Variants in ZBTB49 observed in about 807,000 individuals in gnomAD.
The protein encoded by ZBTB49 is zinc finger and BTB domain containing 49.
ZBTB49 carries 43 observed loss-of-function variants against 57.5 expected under a neutral mutation model. That is an observed-to-expected ratio of 0.75 (90% CI 0.59 to 0.97). ZBTB49 has a LOEUF of 0.97. Ranked by LOEUF, ZBTB49 falls within the 50% of genes least tolerant of loss-of-function variation. ZBTB49 has a pLI of 0.00. For missense variants in ZBTB49, 938 were observed against 947.7 expected, an observed-to-expected ratio of 0.99 and a Z score of 0.13; for synonymous variants, 369 against 362.1, an observed-to-expected ratio of 1.02 and a Z score of -0.22.
intron 1 of ZBTB49, among the ~76,000 whole-genome samples, chr4:4,297,064 TTTTA>T (rs766565096): frequency 1.3e-5 from 2 of 152,114 alleles, no homozygotes; most frequent in African/African-American, 2.4e-5. Context: ...CCTTCTTTTA[TTTTA>T]TTTATTTATT....
chr4:4,303,952 G>T (rs73076250), intron 3 of ZBTB49, among the ~76,000 whole-genome samples: 1 of 151,972 alleles, frequency 6.6e-6, no homozygotes, highest in Non-Finnish European at 1.5e-5. Flanking sequence ...CTGCTTTTAC[G>T]GTGTTTGTGT....
intron 1 of ZBTB49, among the ~76,000 whole-genome samples, chr4:4,296,705 G>T (rs899130972): frequency 3.3e-5 from 5 of 152,224 alleles, no homozygotes; most frequent in Non-Finnish European, 7.3e-5. Context: ...AGTGGGGCAT[G>T]TAGATAGCTA....
chr4:4,306,312 G>C (rs372334615), intron 4 of ZBTB49, 128 bp downstream of exon 4: 25 of 759,272 alleles, frequency 3.3e-5, no homozygotes, highest in East Asian at 1.8e-4. Flanking sequence ...AAAGACTTCA[G>C]AATAAATTAG....
chr4:4,308,109 G>T (rs765580204), intron 4 of ZBTB49, among the ~76,000 whole-genome samples: 1 of 152,070 alleles, frequency 6.6e-6, no homozygotes, highest in Non-Finnish European at 1.5e-5. Flanking sequence ...ATGGAGCATC[G>T]CTCTGTCGCC....
rs776978975 is a variant in ZBTB49 at position 4,321,087 on chromosome 4, A to G, written c.2069A>G (p.Tyr690Cys). The G allele has an allele frequency of 2.4e-5, 39 of 1,614,028 alleles. No individual in the cohort carries two copies. The Admixed American group carries it at 2.5e-4, about 10-fold the overall frequency. ...ATGCAGCAGACACAGCCTCAGGCCT[A>G]TGCTTACTCGGATGTGGACACCCCA... ...PQMQQTQPQA[Y>C]AYSDVDTPAG... The change falls in exon 8 of 8, where the codon TAT becomes TGT. Residue 690 changes from tyrosine to cysteine, a missense_variant. This residue lies in a region of ZBTB49 where 835 missense variants were observed against 819.1 expected (regional missense o/e 1.02). Coordinates refer to ENST00000337872, the MANE Select transcript of ZBTB49 (RefSeq NM_145291.4).
At chr4:4,291,231 A>C (rs1719892415) in intron 1 of ZBTB49, among the ~76,000 whole-genome samples, 1 of 152,234 alleles carries the variant, frequency 6.6e-6, no homozygotes, top group Non-Finnish European at 1.5e-5. Context: ...GGAGGTTAGA[A>C]GTCCAAGATC....
At chr4:4,316,467 G>A (rs1399376643) in intron 7 of ZBTB49, among the ~76,000 whole-genome samples, 1 of 152,188 alleles carries the variant, frequency 6.6e-6, no homozygotes, top group Non-Finnish European at 1.5e-5. Context: ...CTCCGATGAG[G>A]ACACGGAGGC....
chr4:4,311,408 C>G (rs951609145), intron 4 of ZBTB49, among the ~76,000 whole-genome samples: 1 of 152,180 alleles, frequency 6.6e-6, no homozygotes, highest in Non-Finnish European at 1.5e-5. Flanking sequence ...ATTTAAAACA[C>G]TGGTGTATTA....
chr4:4,308,235 G>A (rs1577241586), intron 4 of ZBTB49, among the ~76,000 whole-genome samples: 1 of 152,076 alleles, frequency 6.6e-6, no homozygotes. Context: ...GTTCCACCAC[G>A]CCCAGCTCAG....
At chr4:4,317,063 T>C (rs1017641253) in intron 7 of ZBTB49, among the ~76,000 whole-genome samples, 1 of 152,218 alleles carries the variant, frequency 6.6e-6, no homozygotes, top group African/African-American at 2.4e-5. Context: ...ATCACTAATT[T>C]AAAATGTCAG....
Position 4,321,655 on chromosome 4 carries a change from A to G in ZBTB49, c.*339A>G, listed in dbSNP as rs1350904561. 4.2e-6 allele frequency: 1 copy of G among 237,784 alleles called. No homozygotes were observed. Among genetic ancestry groups the G allele is most frequent in the Non-Finnish European group, 8.0e-6 (1 of 124,626 alleles). 14.7% of individuals were successfully genotyped at this position (237,784 alleles called of 1,614,324 possible). ...CATGTGAAAGGAATTATATATGTATAGTATTACAAGTATTTTTGCATTTTT... is the reference window on the plus strand; with the variant it reads ...CATGTGAAAGGAATTATATATGTATGGTATTACAAGTATTTTTGCATTTTT... On this transcript the variant is annotated 3_prime_UTR_variant, in exon 8 of 8. Coordinates refer to ENST00000337872, the MANE Select transcript of ZBTB49 (RefSeq NM_145291.4).
At chr4:4,306,283 C>G in intron 4 of ZBTB49, 99 bp downstream of exon 4, 1 of 957,300 alleles carries the variant, frequency 1.0e-6, no homozygotes, top group Non-Finnish European at 1.6e-6. Flanking sequence ...AGAGAAGCCT[C>G]TAATGATGTC....
chr4:4,303,770 G>GTCTC (rs1553805047), intron 3 of ZBTB49, among the ~76,000 whole-genome samples: 1,583 of 25,282 alleles, frequency 0.063, 16 homozygotes, highest in Non-Finnish European at 0.089. Flanking sequence ...CTGTGTGTGT[G>GTCTC]TCTCTCTCTC....
intron 5 of ZBTB49, 147 bp downstream of exon 5, chr4:4,313,261 T>A: frequency 1.4e-6 from 1 of 725,322 alleles, no homozygotes; most frequent in Non-Finnish European, 2.1e-6. Flanking sequence ...AATTCAAACC[T>A]TCTGGCTTTG....
intron 3 of ZBTB49, among the ~76,000 whole-genome samples, chr4:4,303,758 C>G (rs200667015): frequency 0.46 from 43,072 of 93,292 alleles, 7,154 homozygotes; most frequent in East Asian, 0.58. Context: ...CTCTCTCTCT[C>G]TCTGTGTGTG....
chr4:4,313,178 T>C lies in ZBTB49; in HGVS notation c.1376+64T>C, dbSNP rs1371580086. 1.8e-5 allele frequency: 29 copies of C among 1,591,998 alleles called. No homozygotes were observed. In the Admixed American group the frequency reaches 4.1e-4, roughly 23 times the overall value. Reference sequence around the variant, plus strand: ...TGTCTAGTCTCAGTGTCTTTGGTAGTCAGTGTCTTCTGAAGTGGTGGCTCA... The same window carrying C: ...TGTCTAGTCTCAGTGTCTTTGGTAGCCAGTGTCTTCTGAAGTGGTGGCTCA... On this transcript the variant is annotated intron_variant, in intron 5 of 7. Coordinates refer to ENST00000337872, the MANE Select transcript of ZBTB49 (RefSeq NM_145291.4).
intron 1 of ZBTB49, among the ~76,000 whole-genome samples, chr4:4,294,598 G>C (rs980236194): frequency 1.3e-5 from 2 of 152,038 alleles, no homozygotes; most frequent in African/African-American, 4.8e-5. Context: ...TAGGTGATCC[G>C]CCTGCCTCGG....
chr4:4,311,119 A>G (rs1720966117), intron 4 of ZBTB49, among the ~76,000 whole-genome samples: 2 of 152,212 alleles, frequency 1.3e-5, no homozygotes, highest in African/African-American at 2.4e-5. Context: ...TATTTCTAGT[A>G]CAAAATAGGT....
intron 4 of ZBTB49, among the ~76,000 whole-genome samples, chr4:4,308,550 A>G (rs1720840296): frequency 6.6e-6 from 1 of 152,164 alleles, no homozygotes; most frequent in Non-Finnish European, 1.5e-5. Flanking sequence ...GGTTTCTGTG[A>G]TTGTAGAGTC....
Sources: gnomAD v4.1 joint callset for allele counts (sites outside exome capture counted in the v4.1 genomes callset) on GRCh38, gnomAD v4.1.1 for gene constraint, gnomAD v4.1.1 regional missense constraint, MANE v1.5 for transcripts, NCBI Gene and HGNC (gene_info 2026-07-23, HGNC 2026-07-21) for gene names.